The following DLG2 variants were observed in gnomAD, a reference collection of about 807,000 sequenced individuals.
DLG2 encodes disks large homolog 2.
DLG2 carries 45 observed loss-of-function variants against 132.5 expected under a neutral mutation model. The observed-to-expected ratio is 0.34, with a 90% confidence interval of 0.27 to 0.44. The LOEUF (loss-of-function observed/expected upper bound fraction) is 0.44, where lower values mean the gene tolerates loss of function less well. Among genes scored for constraint, DLG2 ranks in the 20% least tolerant of loss-of-function variants. The pLI is 1.00. For missense variants in DLG2, 1,045 were observed against 1,196.9 expected (o/e 0.87, Z 1.87); for synonymous variants, 424 against 419.6 (o/e 1.01, Z -0.13).
intron 15 of DLG2, among the ~76,000 whole-genome samples, chr11:83,913,364 A>AT (rs892444561): frequency 2.6e-5 from 4 of 151,920 alleles, no homozygotes; most frequent in South Asian, 2.1e-4. Flanking sequence ...ATTTAAATAT[A>AT]TTTTTTTTAT....
intron 7 of DLG2, among the ~76,000 whole-genome samples, chr11:84,296,286 A>G (rs1433348692): frequency 6.6e-6 from 1 of 152,140 alleles, no homozygotes; most frequent in African/African-American, 2.4e-5. Flanking sequence ...CAACAGACAC[A>G]GGCCTGTGAT....
chr11:84,517,018 A>G (rs986633884), intron 7 of DLG2, among the ~76,000 whole-genome samples: 13 of 54,120 alleles, frequency 2.4e-4, no homozygotes, highest in African/African-American at 8.7e-4. Flanking sequence ...GTAAAAAAAT[A>G]AAAAATAAAT....
chr11:84,601,696 T>C (rs1295857671), intron 6 of DLG2, among the ~76,000 whole-genome samples: 1 of 152,156 alleles, frequency 6.6e-6, no homozygotes, highest in Non-Finnish European at 1.5e-5. Context: ...AAAGAAAATA[T>C]GCCTACATTT....
At chr11:84,434,005 C>T (rs2098992905) in intron 7 of DLG2, among the ~76,000 whole-genome samples, 1 of 151,498 alleles carries the variant, frequency 6.6e-6, no homozygotes, top group South Asian at 2.1e-4. Context: ...GTGTTCCCAG[C>T]TACTCGGAAG....
At chr11:84,196,312 C>A (rs1018579833) in intron 8 of DLG2, among the ~76,000 whole-genome samples, 1 of 151,998 alleles carries the variant, frequency 6.6e-6, no homozygotes, top group Non-Finnish European at 1.5e-5. Context: ...ACTCAACAGA[C>A]AGAAAAGATT....
chr11:84,447,052 G>A (rs1027535585), intron 7 of DLG2, among the ~76,000 whole-genome samples: 1 of 152,164 alleles, frequency 6.6e-6, no homozygotes, highest in African/African-American at 2.4e-5. Flanking sequence ...AAGATTTATT[G>A]TTAAGTGTTT....
intron 6 of DLG2, among the ~76,000 whole-genome samples, chr11:84,686,516 T>C (rs1275895864): frequency 6.6e-6 from 1 of 152,136 alleles, no homozygotes; most frequent in Admixed American, 6.6e-5. Context: ...CATCTCATGG[T>C]TCTCTCCAAT....
intron 7 of DLG2, among the ~76,000 whole-genome samples, chr11:84,363,527 T>G (rs1387694508): frequency 6.6e-6 from 1 of 152,026 alleles, no homozygotes; most frequent in African/African-American, 2.4e-5. Context: ...AGATCCCATT[T>G]GTCAATTTTG....
intron 6 of DLG2, among the ~76,000 whole-genome samples, chr11:84,792,866 C>T (rs901303572): frequency 7.2e-5 from 11 of 151,984 alleles, no homozygotes; most frequent in African/African-American, 2.7e-4. Flanking sequence ...TCAAAAACAT[C>T]TTTAATTTCA....
At chr11:85,618,726 C>G (rs1393343386) in intron 2 of DLG2, among the ~76,000 whole-genome samples, 1 of 152,152 alleles carries the variant, frequency 6.6e-6, no homozygotes, top group Non-Finnish European at 1.5e-5. Flanking sequence ...AACAAATCAG[C>G]ACATGTACTC....
chr11:84,767,544 C>A (rs961652111), intron 6 of DLG2, among the ~76,000 whole-genome samples: 1 of 151,990 alleles, frequency 6.6e-6, no homozygotes, highest in African/African-American at 2.4e-5. Flanking sequence ...AGGTCCTGAG[C>A]AGAGATAATA....
chr11:85,621,361 T>G (rs1044026631), intron 2 of DLG2, among the ~76,000 whole-genome samples: 2 of 152,232 alleles, frequency 1.3e-5, no homozygotes, highest in African/African-American at 2.4e-5. Context: ...AGGCCACAGA[T>G]GAAGGAGTAA....
At chr11:84,922,631 A>G (rs1307821454) in intron 6 of DLG2, among the ~76,000 whole-genome samples, 1 of 152,154 alleles carries the variant, frequency 6.6e-6, no homozygotes, top group African/African-American at 2.4e-5. Flanking sequence ...CACAGAGCAC[A>G]TCTAATGCCA....
At position 83,997,730 on chromosome 11, in the gene DLG2, C is replaced by CAAAA. The variant is rs71066079; in HGVS notation, c.920-17092_920-17089dup. On this transcript the variant is annotated intron_variant, in intron 11 of 27. Transcript: ENST00000376104. ...TGGGTGACAGAGCAAGACTCCATCT[C>CAAAA]AAAAAAAAAAAAAAAAAAAAAAAAA... Among the ~76,000 whole-genome samples the CAAAA allele has an allele frequency of 5.2e-4, 13 of 24,796 alleles. 3 individuals are homozygous for CAAAA. The highest frequency in any genetic ancestry group is 0.042 in the Middle Eastern group (1 of 24). 16.3% of individuals were successfully genotyped at this position (24,796 alleles called of 152,430 possible).
At chr11:83,531,321 C>G (rs1450603881) in intron 21 of DLG2, among the ~76,000 whole-genome samples, 1 of 151,934 alleles carries the variant, frequency 6.6e-6, no homozygotes, top group Admixed American at 6.6e-5. Flanking sequence ...AATAACAAGA[C>G]AACCCAATTT....
At chr11:84,251,571 G>A (rs1386334563) in intron 7 of DLG2, among the ~76,000 whole-genome samples, 1 of 151,372 alleles carries the variant, frequency 6.6e-6, no homozygotes, top group Non-Finnish European at 1.5e-5. Flanking sequence ...AGGAGGTGAG[G>A]ATTTCTGCTA....
chr11:84,370,862 A>G (rs2098703359), intron 7 of DLG2, among the ~76,000 whole-genome samples: 1 of 152,196 alleles, frequency 6.6e-6, no homozygotes, highest in Non-Finnish European at 1.5e-5. Flanking sequence ...GATAGTTAGC[A>G]CATACTAATA....
At chr11:83,714,033 G>C (rs1397541834) in intron 18 of DLG2, among the ~76,000 whole-genome samples, 1 of 152,060 alleles carries the variant, frequency 6.6e-6, no homozygotes, top group Non-Finnish European at 1.5e-5. Flanking sequence ...TGTGCAAGTG[G>C]GACATATTTT....
At chr11:83,784,633 C>T (rs1423648474) in intron 18 of DLG2, among the ~76,000 whole-genome samples, 2 of 152,098 alleles carry the variant, frequency 1.3e-5, no homozygotes, top group Non-Finnish European at 2.9e-5. Context: ...GCATAGTAAC[C>T]AAATTAAACA....
Sources: allele counts gnomAD v4.1 joint callset (sites outside exome capture counted in the v4.1 genomes callset), GRCh38; gene constraint gnomAD v4.1.1; transcripts MANE v1.5; gene names NCBI Gene and HGNC (gene_info 2026-07-23, HGNC 2026-07-21).